The following PDE10A variants were observed in gnomAD, a reference collection of about 807,000 sequenced individuals.
PDE10A encodes the protein cAMP and cAMP-inhibited cGMP 3',5'-cyclic phosphodiesterase 10A.
Under a neutral mutation model 97.7 loss-of-function variants are expected in PDE10A, and 39 were observed. That is an observed-to-expected ratio of 0.40 (90% CI 0.31 to 0.52). The LOEUF (loss-of-function observed/expected upper bound fraction) is 0.52, where lower values mean the gene tolerates loss of function less well. Among genes scored for constraint, PDE10A ranks in the 20% least tolerant of loss-of-function variants. The pLI is 0.56. For missense variants in PDE10A, 731 were observed against 1,047.8 expected (o/e 0.70, Z 4.17); for synonymous variants, 371 against 376.8 (o/e 0.98, Z 0.18).
intron 1 of PDE10A, among the ~76,000 whole-genome samples, chr6:165,701,990 T>G (rs868018272): frequency 6.6e-6 from 1 of 152,168 alleles, no homozygotes; most frequent in Non-Finnish European, 1.5e-5. Context: ...AGTCTGGTCC[T>G]GGGCCCTGGA....
intron 18 of PDE10A, among the ~76,000 whole-genome samples, chr6:165,358,004 A>G (rs947963194): frequency 6.6e-6 from 1 of 152,074 alleles, no homozygotes; most frequent in Non-Finnish European, 1.5e-5. Flanking sequence ...AGATTTTGAT[A>G]TAGTTTGTTT....
intron 1 of PDE10A, among the ~76,000 whole-genome samples, chr6:165,862,768 T>G (rs1158272747): frequency 1.3e-5 from 2 of 149,848 alleles, no homozygotes; most frequent in Non-Finnish European, 3.0e-5. Context: ...AACCTCCTCC[T>G]CCCAGGTTCA....
At chr6:165,475,205 G>A (rs1209676403) in intron 3 of PDE10A, among the ~76,000 whole-genome samples, 1 of 151,972 alleles carries the variant, frequency 6.6e-6, no homozygotes, top group Non-Finnish European at 1.5e-5. Flanking sequence ...TGATAATATT[G>A]TTTCCTATAA....
chr6:165,573,276 GTTTTTT>G (rs11288936), intron 1 of PDE10A, among the ~76,000 whole-genome samples: 1 of 142,596 alleles, frequency 7.0e-6, no homozygotes, highest in Non-Finnish European at 1.5e-5. Flanking sequence ...TGATGTCTGG[GTTTTTT>G]TTTTTTTTTT....
rs1554273388 is a variant in PDE10A at position 165,494,534 on chromosome 6, A to ATATATATATT, written c.995-12192_995-12191insAATATATATA. On this transcript the variant is annotated intron_variant, in intron 2 of 21. Coordinates refer to ENST00000539869, the MANE Select transcript of PDE10A (RefSeq NM_001385079.1). Reference sequence around the variant, plus strand: ...GGTGTGTGCATATATATATATATATATATTTATTTATTTATTTAATAAAGA... The same window carrying ATATATATATT: ...GGTGTGTGCATATATATATATATATATATATATATTTATTTATTTATTTATTTAATAAAGA... Among the ~76,000 whole-genome samples, 20 of 144,324 alleles carry ATATATATATT rather than the reference A, an allele frequency of 1.4e-4. No individual in the cohort carries two copies. In the Middle Eastern group the frequency reaches 0.029, roughly 209 times the overall value. The allele number at this position is 144,324 out of a possible 152,430, so 94.7% of individuals were successfully genotyped here.
At position 165,501,595 on chromosome 6, in the gene PDE10A, G is replaced by A. The variant is rs1017522500; in HGVS notation, c.995-19252C>T. The stretch of plus-strand genomic sequence containing the variant: ...CTCAAAAAAAAAAAAAAAGTCCTGA[G>A]GAATCTGCAAGAAACTACTAGAATG... On this transcript the variant is annotated intron_variant, in intron 2 of 21. Coordinates refer to ENST00000539869, the MANE Select transcript of PDE10A (RefSeq NM_001385079.1). Among the ~76,000 whole-genome samples the A allele has an allele frequency of 1.1e-4, 17 of 151,588 alleles. 1 individual carries two copies. Among genetic ancestry groups the A allele is most frequent in the Admixed American group, 5.3e-4 (8 of 15,234 alleles).
chr6:165,635,853 T>C (rs1267097584), intron 1 of PDE10A, among the ~76,000 whole-genome samples: 2 of 152,254 alleles, frequency 1.3e-5, no homozygotes, highest in Non-Finnish European at 2.9e-5. Flanking sequence ...AGACATATCT[T>C]GTTTGATAGA....
rs148059525 is a variant in PDE10A, at chr6:165,689,565, G to T, written c.-614-145997C>A. On this transcript the variant is annotated intron_variant, in intron 1 of 19. Transcript: ENST00000366882. ...GTGAGTTCTCGTTCTGTTAGTTCAC[G>T]TGAGATCTGATTGTTAAAAGGAGCC... Among the ~76,000 whole-genome samples the T allele has an allele frequency of 1.1e-3, 160 of 152,204 alleles. 5 individuals carry two copies. The East Asian group carries it at 0.025, about 23-fold the overall frequency.
At chr6:165,360,373 T>C (rs1008394949) in intron 18 of PDE10A, among the ~76,000 whole-genome samples, 4 of 152,230 alleles carry the variant, frequency 2.6e-5, no homozygotes, top group African/African-American at 9.6e-5. Context: ...CCAGTGCTGC[T>C]ATAAGGCTCT....
chr6:165,813,358 C>A (rs1462669661), intron 1 of PDE10A, among the ~76,000 whole-genome samples: 1 of 136,092 alleles, frequency 7.3e-6, no homozygotes, highest in Non-Finnish European at 1.7e-5. Flanking sequence ...CCGGAAGGAG[C>A]ATTTACTGAG....
At chr6:165,705,365 C>T (rs376951667) in intron 1 of PDE10A, among the ~76,000 whole-genome samples, 1 of 152,228 alleles carries the variant, frequency 6.6e-6, no homozygotes, top group African/African-American at 2.4e-5. Flanking sequence ...CAGGGTCCCA[C>T]TGGTGACTTC....
At chr6:165,813,872 AC>A (rs1779343431) in intron 1 of PDE10A, among the ~76,000 whole-genome samples, 1 of 152,174 alleles carries the variant, frequency 6.6e-6, no homozygotes, top group South Asian at 2.1e-4. Flanking sequence ...TGTTGTGCAA[AC>A]CTGCACTTCC....
intron 3 of PDE10A, among the ~76,000 whole-genome samples, chr6:165,471,094 T>C (rs1373492370): frequency 1.3e-5 from 2 of 152,186 alleles, no homozygotes; most frequent in Non-Finnish European, 2.9e-5. Context: ...AGGTCACCAA[T>C]GACCCCACAC....
At chr6:165,853,176 C>T (rs538932471) in intron 1 of PDE10A, among the ~76,000 whole-genome samples, 3 of 152,262 alleles carry the variant, frequency 2.0e-5, no homozygotes, top group African/African-American at 4.8e-5. Context: ...CAATTGAGGA[C>T]GAGGCCTCTG....
At chr6:165,707,877 G>A (rs1791758293) in intron 1 of PDE10A, among the ~76,000 whole-genome samples, 1 of 152,088 alleles carries the variant, frequency 6.6e-6, no homozygotes, top group Non-Finnish European at 1.5e-5. Context: ...CTATGATCAA[G>A]GCTGAACACA....
At chr6:165,408,014 T>C (rs1199195234) in intron 13 of PDE10A, among the ~76,000 whole-genome samples, 3 of 152,220 alleles carry the variant, frequency 2.0e-5, no homozygotes, top group Non-Finnish European at 2.9e-5. Context: ...AGCATTAACA[T>C]GGCCTATGTG....
In PDE10A at chr6:165,662,310, GTCC is replaced by G. The variant is rs1182215866; in HGVS notation, c.499_501del (p.Gly167del). ...GGGACGCTCAAGGGAGCTGCCTCTT[GTCC>G]TCCTCCTCCTCCTCCGCCAGCATCG... On this transcript the variant is annotated inframe_deletion, in exon 1 of 22. Coordinates refer to ENST00000539869, the MANE Select transcript of PDE10A (RefSeq NM_001385079.1). 123 of 160,110 alleles carry G rather than the reference GTCC, an allele frequency of 7.7e-4. No homozygotes were observed. Among genetic ancestry groups the G allele is most frequent in the South Asian group, 2.1e-3 (13 of 6,302 alleles). The allele number at this position is 160,110 out of a possible 1,614,324, so 9.9% of individuals were successfully genotyped here.
chr6:165,412,409 T>C (rs1787933303), intron 13 of PDE10A, among the ~76,000 whole-genome samples: 1 of 152,168 alleles, frequency 6.6e-6, no homozygotes, highest in East Asian at 1.9e-4. Flanking sequence ...AAACTAGAAA[T>C]TACAATCTTT....
intron 1 of PDE10A, among the ~76,000 whole-genome samples, chr6:165,953,301 A>G (rs1784025702): frequency 6.6e-6 from 1 of 152,206 alleles, no homozygotes; most frequent in Non-Finnish European, 1.5e-5. Context: ...TATTTATTAT[A>G]AAAATTTGGC....
Sources: gnomAD v4.1 joint callset for allele counts (sites outside exome capture counted in the v4.1 genomes callset) on GRCh38, gnomAD v4.1.1 for gene constraint, MANE v1.5 for transcripts, NCBI Gene and HGNC (gene_info 2026-07-23, HGNC 2026-07-21) for gene names.